KCNK10: variants seen among roughly 807,000 people sequenced by gnomAD.
KCNK10 encodes the protein potassium channel subfamily K member 10.
KCNK10 carries 25 observed loss-of-function variants against 47.7 expected under a neutral mutation model. That is an observed-to-expected ratio of 0.52 (90% CI 0.38 to 0.73). The LOEUF (loss-of-function observed/expected upper bound fraction) is 0.73, where lower values mean the gene tolerates loss of function less well. KCNK10 is among the 30% of genes least tolerant of loss of function. The pLI is 0.00. For synonymous variants in KCNK10, 303 were observed against 285.6 expected, an observed-to-expected ratio of 1.06 and a Z score of -0.61; for missense variants, 563 against 714.5, an observed-to-expected ratio of 0.79 and a Z score of 2.42.
intron 1 of KCNK10, among the ~76,000 whole-genome samples, chr14:88,303,894 C>T (rs953222231): frequency 6.6e-6 from 1 of 152,150 alleles, no homozygotes; most frequent in Admixed American, 6.5e-5. Flanking sequence ...ACACTCAAGT[C>T]CCTCCTTCAC....
intron 1 of KCNK10, among the ~76,000 whole-genome samples, chr14:88,275,879 G>C (rs2139767332): frequency 6.6e-6 from 1 of 151,794 alleles, no homozygotes; most frequent in East Asian, 1.9e-4. Context: ...AAAACTCCTA[G>C]GAACATCCTG....
chr14:88,277,093 C>T (rs980826592), intron 1 of KCNK10, among the ~76,000 whole-genome samples: 10 of 152,168 alleles, frequency 6.6e-5, no homozygotes, highest in African/African-American at 2.2e-4. Context: ...GACATGGAGG[C>T]TCCACACCCC....
At chr14:88,247,142 G>A (rs569917741) in intron 2 of KCNK10, among the ~76,000 whole-genome samples, 18 of 152,276 alleles carry the variant, frequency 1.2e-4, no homozygotes, top group African/African-American at 3.1e-4. Context: ...CTGCAAAGGC[G>A]CTTCTCTCTA....
intron 4 of KCNK10, among the ~76,000 whole-genome samples, chr14:88,206,563 T>C (rs1475266629): frequency 5.3e-5 from 8 of 152,244 alleles, no homozygotes; most frequent in Admixed American, 5.2e-4. Context: ...TGAGAGTTGT[T>C]CTCTATTTTG....
chr14:88,293,250 T>C (rs1887916752), intron 1 of KCNK10, among the ~76,000 whole-genome samples: 1 of 152,150 alleles, frequency 6.6e-6, no homozygotes, highest in South Asian at 2.1e-4. Context: ...GATTCATATA[T>C]CCATGAATAT....
chr14:88,265,017 C>T (rs925378892), intron 1 of KCNK10, among the ~76,000 whole-genome samples: 1 of 152,210 alleles, frequency 6.6e-6, no homozygotes, highest in Non-Finnish European at 1.5e-5. Flanking sequence ...CTCATCCAGG[C>T]CACTGTCACA....
chr14:88,254,546 C>G (rs747047895), intron 2 of KCNK10, among the ~76,000 whole-genome samples: 1 of 152,204 alleles, frequency 6.6e-6, no homozygotes, highest in Non-Finnish European at 1.5e-5. Context: ...TCCCTGCAAA[C>G]CGAAGCATTC....
intron 2 of KCNK10, among the ~76,000 whole-genome samples, chr14:88,242,543 T>C (rs955253950): frequency 5.9e-5 from 9 of 152,168 alleles, no homozygotes; most frequent in African/African-American, 1.7e-4. Flanking sequence ...TAAGAGAACA[T>C]GGAATATTAT....
rs982676549 is a variant in KCNK10 at position 88,186,973 on chromosome 14, C to T, written c.1012-818G>A. Among the ~76,000 whole-genome samples, 1 of 152,236 alleles carries T rather than the reference C, an allele frequency of 6.6e-6. No individual in the cohort carries two copies. The highest frequency in any genetic ancestry group is 2.4e-5 in the African/African-American group (1 of 41,468). ...CAGGGCAGACAGTATAAGTCCCATG[C>T]TTCCCTCTGCAAATGAGGAACTCAA... On this transcript the variant is annotated intron_variant, in intron 6 of 6. Coordinates refer to ENST00000319231, the MANE Select transcript of KCNK10 (RefSeq NM_138317.3). The surrounding 1 kb of genome is among the most constrained non-coding windows in gnomAD (Gnocchi z 5.5).
Position 88,254,659 on chromosome 14 carries a change from T to C in KCNK10, c.402+8543A>G, listed in dbSNP as rs150793864. 2.1e-3 allele frequency among the ~76,000 whole-genome samples: 316 copies of C among 152,304 alleles called. 5 individuals are homozygous for C. The highest frequency in any genetic ancestry group is 7.0e-3 in the African/African-American group (291 of 41,568). ...TGGCTTTCTCCAAGACTAGTCAGTA[T>C]AGAAGCTTCTAAGACAATTGCACTG... is the stretch of plus-strand genomic sequence containing the variant. On this transcript the variant is annotated intron_variant, in intron 2 of 6. Transcript: ENST00000319231.
At chr14:88,233,486 A>C (rs1056209979) in intron 3 of KCNK10, among the ~76,000 whole-genome samples, 1 of 152,178 alleles carries the variant, frequency 6.6e-6, no homozygotes, top group African/African-American at 2.4e-5. Flanking sequence ...AGACAAGGTG[A>C]TTGTTCACCT....
At chr14:88,198,519 A>T (rs1252017728) in intron 4 of KCNK10, among the ~76,000 whole-genome samples, 3 of 152,240 alleles carry the variant, frequency 2.0e-5, no homozygotes, top group Non-Finnish European at 4.4e-5. Context: ...TGCTACAGAC[A>T]GCTAAAAGGT....
chr14:88,250,452 G>C (rs931817097), intron 2 of KCNK10, among the ~76,000 whole-genome samples: 1 of 152,110 alleles, frequency 6.6e-6, no homozygotes, highest in Non-Finnish European at 1.5e-5. Flanking sequence ...ACCCGAACCT[G>C]CACTCTCCAG....
intron 4 of KCNK10, among the ~76,000 whole-genome samples, chr14:88,209,359 G>A (rs745465925): frequency 8.5e-5 from 13 of 152,158 alleles, no homozygotes; most frequent in Non-Finnish European, 1.5e-4. Flanking sequence ...TAGAATCTGC[G>A]TATGTGGTAA....
intron 2 of KCNK10, among the ~76,000 whole-genome samples, chr14:88,259,486 T>C (rs1220580385): frequency 6.6e-6 from 1 of 152,222 alleles, no homozygotes; most frequent in Non-Finnish European, 1.5e-5. Context: ...AGACAAGGTC[T>C]CACTCTGTTT....
At chr14:88,229,443 C>A (rs1253061424) in intron 3 of KCNK10, among the ~76,000 whole-genome samples, 1 of 152,040 alleles carries the variant, frequency 6.6e-6, no homozygotes, top group East Asian at 1.9e-4. Flanking sequence ...AGAAAAAAAT[C>A]AATGGACTGT....
chr14:88,274,590 C>T (rs1028159206), intron 1 of KCNK10, among the ~76,000 whole-genome samples: 2 of 126,586 alleles, frequency 1.6e-5, no homozygotes, highest in Admixed American at 8.2e-5. Context: ...AAGTCCGTAA[C>T]ATGTCCTATT....
At position 88,186,338 on chromosome 14, in the gene KCNK10, A is replaced by G. The variant is rs1166095249; in HGVS notation, c.1012-183T>C. On this transcript the variant is annotated intron_variant, in intron 6 of 6. Coordinates refer to ENST00000319231, the MANE Select transcript of KCNK10 (RefSeq NM_138317.3). The surrounding 1 kb of genome is among the most constrained non-coding windows in gnomAD (Gnocchi z 5.5). Reference sequence around the variant, plus strand: ...TCTGCCACCTGGACACCCATCCCTAATTGGCTAGTAAATAAGGTGGCTCAG... The same window carrying G: ...TCTGCCACCTGGACACCCATCCCTAGTTGGCTAGTAAATAAGGTGGCTCAG... Among the ~76,000 whole-genome samples the G allele has an allele frequency of 6.6e-6, 1 of 152,006 alleles. No homozygotes were observed. The highest frequency in any genetic ancestry group is 1.5e-5 in the Non-Finnish European group (1 of 67,984).
chr14:88,251,148 GC>G lies in KCNK10; in HGVS notation c.403-10329del, dbSNP rs1566702514. Among the ~76,000 whole-genome samples the G allele has an allele frequency of 2.1e-5, 3 of 144,348 alleles. No individual in the cohort carries two copies. In the Admixed American group the frequency reaches 2.2e-4, roughly 11 times the overall value. The allele number at this position is 144,348 out of a possible 152,430, so 94.7% of individuals were successfully genotyped here. A position where few individuals can be genotyped will look rare whatever the true frequency, so the allele number is the denominator to read the frequency against. ...CTAGGGAGGCCGAGGCAGAAGAATCGCTTGAACCCAGGAGGTGGAGGTTGCA... is the reference window on the plus strand; with the variant it reads ...CTAGGGAGGCCGAGGCAGAAGAATCGTTGAACCCAGGAGGTGGAGGTTGCA... On this transcript the variant is annotated intron_variant, in intron 2 of 6. Transcript: ENST00000319231.
Sources: allele counts gnomAD v4.1 joint callset (sites outside exome capture counted in the v4.1 genomes callset), GRCh38; gene constraint gnomAD v4.1.1; non-coding constraint Gnocchi (gnomAD v3.1); transcripts MANE v1.5; gene names NCBI Gene and HGNC (gene_info 2026-07-23, HGNC 2026-07-21).